Variants in SLC35F1 observed in about 807,000 individuals in gnomAD.
SLC35F1 encodes the protein chromosome 6 open reading frame 169.
In SLC35F1, 14 loss-of-function variants were observed where a neutral mutation model predicts 48.7. That is an observed-to-expected ratio of 0.29 (90% CI 0.19 to 0.45). The LOEUF (loss-of-function observed/expected upper bound fraction) is 0.45. SLC35F1 is among the 20% of genes least tolerant of loss of function. The probability of loss-of-function intolerance (pLI) is 1.00; values close to 1 mark genes in which losing one functional copy is unlikely to be tolerated. For synonymous variants in SLC35F1, 190 were observed against 202.2 expected (o/e 0.94, Z 0.51); for missense variants, 404 against 500.0 (o/e 0.81, Z 1.83).
chr6:118,160,170 C>T (rs1172464398), intron 2 of SLC35F1, among the ~76,000 whole-genome samples: 1 of 152,088 alleles, frequency 6.6e-6, no homozygotes, highest in Non-Finnish European at 1.5e-5. Flanking sequence ...TAAGTGTCTG[C>T]TTCTTTTTAT....
rs1294722273 is a variant in SLC35F1, at chr6:117,996,822, GA to G, written c.173+88929del. Among the ~76,000 whole-genome samples, 9 of 152,276 alleles carry G rather than the reference GA, an allele frequency of 5.9e-5. No homozygotes were observed. In the South Asian group the frequency reaches 1.9e-3, roughly 32 times the overall value. Reference sequence around the variant, plus strand: ...AAGTAGATAAAACCACAAAGATGGGGAAAAAACAGAGCAGAAAAACTGGAAA... The same window carrying G: ...AAGTAGATAAAACCACAAAGATGGGGAAAAACAGAGCAGAAAAACTGGAAA... On this transcript the variant is annotated intron_variant, in intron 1 of 7. Coordinates refer to ENST00000360388, the MANE Select transcript of SLC35F1 (RefSeq NM_001029858.4).
At chr6:118,057,159 C>T (rs927259146) in intron 1 of SLC35F1, among the ~76,000 whole-genome samples, 4 of 152,102 alleles carry the variant, frequency 2.6e-5, no homozygotes, top group South Asian at 2.1e-4. Flanking sequence ...TGCCATATCA[C>T]GTGAGCCATT....
intron 2 of SLC35F1, among the ~76,000 whole-genome samples, chr6:118,230,509 C>T (rs1017022376): frequency 6.6e-6 from 1 of 152,042 alleles, no homozygotes; most frequent in African/African-American, 2.4e-5. Flanking sequence ...CATGAGACAA[C>T]AAGGATGCAT....
At chr6:117,988,062 C>G (rs987634093) in intron 1 of SLC35F1, among the ~76,000 whole-genome samples, 4 of 152,126 alleles carry the variant, frequency 2.6e-5, no homozygotes, top group Non-Finnish European at 5.9e-5. Context: ...CAAACCTACA[C>G]TCTTTCTAGA....
intron 1 of SLC35F1, among the ~76,000 whole-genome samples, chr6:117,924,527 AAGTTC>A (rs1776003554): frequency 3.3e-5 from 3 of 90,850 alleles, no homozygotes; most frequent in Non-Finnish European, 4.6e-5. Flanking sequence ...TATATATGTC[AAGTTC>A]CATTCTGTTC....
intron 1 of SLC35F1, among the ~76,000 whole-genome samples, chr6:118,010,754 C>T (rs1034988607): frequency 6.6e-6 from 1 of 152,182 alleles, no homozygotes; most frequent in Non-Finnish European, 1.5e-5. Context: ...TACAGAATTT[C>T]TCTCAAGACC....
chr6:118,167,167 A>AC (rs1774330632), intron 2 of SLC35F1, among the ~76,000 whole-genome samples: 4 of 151,786 alleles, frequency 2.6e-5, no homozygotes, highest in Admixed American at 2.6e-4. Context: ...CCCTTCTCCT[A>AC]CCCCCTCCAA....
rs376549783 is a variant in SLC35F1, at chr6:118,276,714, T to C, written c.795-780T>C. On this transcript the variant is annotated intron_variant, in intron 5 of 7. Transcript: ENST00000360388. ...ATAGATGGCTTCTTTTATGGGTTAT[T>C]ATTCTTGAGTCCAAAAAATATGTTC... is the stretch of plus-strand genomic sequence containing the variant. Among the ~76,000 whole-genome samples, 23 of 152,338 alleles carry C rather than the reference T, an allele frequency of 1.5e-4. 1 individual carries two copies. The highest frequency in any genetic ancestry group is 1.4e-3 in the East Asian group (7 of 5,184).
At chr6:118,284,244 T>C (rs1014499393) in intron 6 of SLC35F1, among the ~76,000 whole-genome samples, 7 of 152,224 alleles carry the variant, frequency 4.6e-5, no homozygotes, top group African/African-American at 1.7e-4. Flanking sequence ...CAAGGATTCC[T>C]TTGGAAAGGT....
intron 1 of SLC35F1, among the ~76,000 whole-genome samples, chr6:118,105,704 A>G (rs1301136350): frequency 6.6e-6 from 1 of 152,214 alleles, no homozygotes; most frequent in East Asian, 1.9e-4. Context: ...CTTCAGATAA[A>G]ACAATTTTTC....
intron 1 of SLC35F1, among the ~76,000 whole-genome samples, chr6:118,037,513 T>TG (rs1180195803): frequency 1.3e-5 from 2 of 152,068 alleles, no homozygotes; most frequent in South Asian, 2.1e-4. Context: ...ATTTGAATTT[T>TG]GGGGGGGTTA....
chr6:117,971,913 T>C (rs778938978), intron 1 of SLC35F1, among the ~76,000 whole-genome samples: 1 of 152,232 alleles, frequency 6.6e-6, no homozygotes, highest in South Asian at 2.1e-4. Flanking sequence ...GTCTCTGATA[T>C]GCCCTGGAGA....
rs532454508 is a variant in SLC35F1, at chr6:117,976,725, G to A, written c.173+68826G>A. ...TCTAGTTCTGCTCATTTTCTCCCCT[G>A]ATTTCAAAAGTAGTACACATTTATT... is the stretch of plus-strand genomic sequence containing the variant. On this transcript the variant is annotated intron_variant, in intron 1 of 7. Coordinates refer to ENST00000360388, the MANE Select transcript of SLC35F1 (RefSeq NM_001029858.4). Among the ~76,000 whole-genome samples, 4 of 152,096 alleles carry A rather than the reference G, an allele frequency of 2.6e-5. No individual in the cohort carries two copies. The East Asian group carries it at 7.7e-4, about 29-fold the overall frequency.
intron 2 of SLC35F1, among the ~76,000 whole-genome samples, chr6:118,170,135 C>G (rs1301325292): frequency 1.3e-5 from 2 of 152,182 alleles, no homozygotes; most frequent in African/African-American, 2.4e-5. Flanking sequence ...TGATATTGCA[C>G]TCTTTATTCA....
At chr6:118,111,758 T>C (rs1773404091) in intron 1 of SLC35F1, among the ~76,000 whole-genome samples, 1 of 152,126 alleles carries the variant, frequency 6.6e-6, no homozygotes, top group South Asian at 2.1e-4. Flanking sequence ...ATATATTGGG[T>C]GATTAAGCTT....
At chr6:117,969,386 G>C (rs1234995231) in intron 1 of SLC35F1, among the ~76,000 whole-genome samples, 1 of 152,100 alleles carries the variant, frequency 6.6e-6, no homozygotes, top group African/African-American at 2.4e-5. Flanking sequence ...TTGTAAAAAA[G>C]AAAACATTCA....
At chr6:118,247,315 G>A (rs1414945671) in intron 3 of SLC35F1, among the ~76,000 whole-genome samples, 3 of 152,134 alleles carry the variant, frequency 2.0e-5, no homozygotes, top group African/African-American at 7.2e-5. Context: ...ACCAGTGCCA[G>A]TCAATAGAGG....
Position 118,198,994 on chromosome 6 carries a change from C to A in SLC35F1, c.350-36515C>A, listed in dbSNP as rs185789901. 2.0e-5 allele frequency among the ~76,000 whole-genome samples: 3 copies of A among 152,266 alleles called. No homozygotes were observed. The East Asian group carries it at 5.8e-4, about 29-fold the overall frequency. On this transcript the variant is annotated intron_variant, in intron 2 of 7. Transcript: ENST00000360388. ...GCCTAGGATCCATGGTGAGCCAGTC[C>A]CCCAAGCCTGGGAAAAGCTGCCCAG... is the stretch of plus-strand genomic sequence containing the variant.
chr6:118,126,991 G>T (rs1773635957), intron 1 of SLC35F1, among the ~76,000 whole-genome samples: 2 of 151,774 alleles, frequency 1.3e-5, no homozygotes, highest in South Asian at 2.1e-4. Flanking sequence ...CTGCCTAATT[G>T]CCCTGGCCAG....
Sources: allele counts gnomAD v4.1 joint callset (sites outside exome capture counted in the v4.1 genomes callset), GRCh38; gene constraint gnomAD v4.1.1; transcripts MANE v1.5; gene names NCBI Gene and HGNC (gene_info 2026-07-23, HGNC 2026-07-21).